CUBN: variants seen among roughly 807,000 people sequenced by gnomAD.
CUBN encodes cubilin.
A neutral mutation model predicts 405.3 loss-of-function variants in CUBN; 282 were observed. The observed-to-expected ratio is 0.70, with a 90% CI of 0.63 to 0.77. The LOEUF (loss-of-function observed/expected upper bound fraction) is 0.77, where lower values mean the gene tolerates loss of function less well. CUBN is among the 30% of genes least tolerant of loss of function. The probability of loss-of-function intolerance (pLI) is 0.00; values close to 1 mark genes in which losing one functional copy is unlikely to be tolerated. For synonymous variants in CUBN, 1,684 were observed against 1,617.0 expected (o/e 1.04, Z -0.99); for missense variants, 4,514 against 4,475.2 (o/e 1.01, Z -0.25).
At chr10:17,088,052 A>T in intron 15 of CUBN, 112 bp downstream of exon 15, 1 of 778,782 alleles carries the variant, frequency 1.3e-6, no homozygotes. Flanking sequence ...ACTATTGAGA[A>T]ACACACCTAA....
At chr10:16,858,076 G>T (rs1839911342) in intron 59 of CUBN, among the ~76,000 whole-genome samples, 2 of 151,904 alleles carry the variant, frequency 1.3e-5, no homozygotes, top group South Asian at 4.2e-4. Context: ...ACAAAAAAAT[G>T]AAATATTTAG....
chr10:16,968,849 T>C (rs1214426206), intron 31 of CUBN, among the ~76,000 whole-genome samples: 1 of 152,226 alleles, frequency 6.6e-6, no homozygotes, highest in African/African-American at 2.4e-5. Context: ...ACAGCTTCCT[T>C]AGCAAGAAAT....
chr10:17,038,680 T>C (rs1038975882), intron 27 of CUBN, among the ~76,000 whole-genome samples: 9 of 152,204 alleles, frequency 5.9e-5, no homozygotes, highest in African/African-American at 2.2e-4. Flanking sequence ...TAGATTTCTG[T>C]GTGTGTGAGT....
At chr10:16,895,563 G>A (rs703066) in intron 54 of CUBN, among the ~76,000 whole-genome samples, 71,312 of 151,904 alleles carry the variant, frequency 0.47, 18,990 homozygotes, top group Middle Eastern at 0.62. Context: ...TATGTATTTT[G>A]TGCCTCTGTT....
intron 64 of CUBN, among the ~76,000 whole-genome samples, chr10:16,834,178 T>C (rs1839096537): frequency 6.6e-6 from 1 of 152,110 alleles, no homozygotes; most frequent in African/African-American, 2.4e-5. Context: ...TTCCACACAC[T>C]GGGTCCACAT....
At chr10:16,834,993 C>T (rs370911251) in intron 64 of CUBN, 21 bp downstream of exon 64, 98 of 1,601,374 alleles carry the variant, frequency 6.1e-5, no homozygotes, top group East Asian at 4.7e-4. Context: ...TTCATTCAAA[C>T]GATATTCAAA....
At chr10:17,039,247 T>G (rs576431195) in intron 27 of CUBN, among the ~76,000 whole-genome samples, 1 of 152,180 alleles carries the variant, frequency 6.6e-6, no homozygotes, top group Non-Finnish European at 1.5e-5. Context: ...GTGCTCCAAT[T>G]TGTAGGATTG....
chr10:16,965,344 G>A (rs373790452), intron 31 of CUBN, among the ~76,000 whole-genome samples: 5 of 152,108 alleles, frequency 3.3e-5, no homozygotes, highest in Admixed American at 2.0e-4. Context: ...TAAATTGCAC[G>A]AAATAAAGAC....
Position 17,046,003 on chromosome 10 carries a change from A to G in CUBN, c.3421T>C (p.Leu1141=), listed in dbSNP as rs1405848424. The G allele has an allele frequency of 5.0e-6, 8 of 1,613,658 alleles. No homozygotes were observed. Among genetic ancestry groups the G allele is most frequent in the African/African-American group, 1.3e-5 (1 of 74,894 alleles). ...TCTATTTGGTCACTCTTAAATTTTA[A>G]CCATAGTTTGTTACTATGAGAGATG... ...TIISHSNKLW[L]KFKSDQIDTR... is the part of the protein sequence containing the mutation. The change falls in exon 24 of 67, where the codon TTA becomes CTA. Residue 1141 remains leucine, a synonymous_variant. Transcript: ENST00000377833.
intron 10 of CUBN, among the ~76,000 whole-genome samples, chr10:17,107,664 A>T (rs192620288): frequency 0.016 from 2,366 of 151,856 alleles, 67 homozygotes; most frequent in African/African-American, 0.052. Context: ...CGCCTGGCTA[A>T]TTTTTTGTAT....
chr10:17,105,706 A>G, intron 10 of CUBN, 131 bp from the exon 11 acceptor site: 1 of 683,818 alleles, frequency 1.5e-6, no homozygotes, highest in Non-Finnish European at 2.7e-6. Context: ...ACGGGCAGAC[A>G]AAACAAGGTA....
chr10:17,061,354 A>G (rs1393201696), intron 22 of CUBN, among the ~76,000 whole-genome samples: 4 of 152,082 alleles, frequency 2.6e-5, no homozygotes, highest in Non-Finnish European at 5.9e-5. Flanking sequence ...AGCACCCTAG[A>G]CCTATTTTAA....
chr10:17,092,535 G>C (rs1907359), intron 14 of CUBN, among the ~76,000 whole-genome samples: 1 of 151,936 alleles, frequency 6.6e-6, no homozygotes, highest in Non-Finnish European at 1.5e-5. Flanking sequence ...GGATGCAGTA[G>C]AGAAGGCAGT....
intron 25 of CUBN, among the ~76,000 whole-genome samples, chr10:17,044,775 A>G (rs1273477490): frequency 6.6e-6 from 1 of 152,148 alleles, no homozygotes; most frequent in Non-Finnish European, 1.5e-5. Flanking sequence ...GATTTTCACC[A>G]TATCTTAATA....
chr10:16,995,095 A>C (rs1195826019), intron 28 of CUBN, among the ~76,000 whole-genome samples: 1 of 152,242 alleles, frequency 6.6e-6, no homozygotes, highest in Non-Finnish European at 1.5e-5. Flanking sequence ...CGTCTCAAAA[A>C]TGAAAAAGAT....
intron 22 of CUBN, among the ~76,000 whole-genome samples, chr10:17,051,234 G>A (rs11254344): frequency 0.5 from 75,884 of 151,728 alleles, 22,665 homozygotes; most frequent in East Asian, 0.67. Flanking sequence ...GGTGGTGGGC[G>A]CCTGTAGTCC....
Position 16,901,456 on chromosome 10 carries a change from C to T in CUBN, c.8066G>A (p.Cys2689Tyr), listed in dbSNP as rs1442816805. Residue 2689 changes from cysteine (C) to tyrosine (Y), a missense_variant, in exon 52 of 67, where the codon TGT (cysteine) becomes TAT (tyrosine). Cys to Tyr is a radical substitution (Grantham distance 194). Coordinates refer to ENST00000377833, the MANE Select transcript of CUBN (RefSeq NM_001081.4). ...GFHAKYSFTD[C>Y]GGIQIGDSGV... ...ACTGTCACCTATCTGTATTCCGCCA[C>T]AATCTGAAATGAGATTGGTAACCCT... 3.1e-6 allele frequency: 5 copies of T among 1,614,038 alleles called. No homozygotes were observed. Among genetic ancestry groups the T allele is most frequent in the Non-Finnish European group, 4.2e-6 (5 of 1,179,988 alleles).
In CUBN at chr10:17,067,001, C is replaced by T. The variant is rs191248875; in HGVS notation, c.3008+1063G>A. Among the ~76,000 whole-genome samples the T allele has an allele frequency of 5.4e-4, 82 of 152,206 alleles. 1 individual carries two copies. The East Asian group carries it at 0.015, about 28-fold the overall frequency. On this transcript the variant is annotated intron_variant, in intron 21 of 66. Coordinates refer to ENST00000377833, the MANE Select transcript of CUBN (RefSeq NM_001081.4). ...GTTTAAAGGCAAAACTGAAATGGATCAACCTGTTTCCAAGTAGCTTAACTG... is the reference window on the plus strand; with the variant it reads ...GTTTAAAGGCAAAACTGAAATGGATTAACCTGTTTCCAAGTAGCTTAACTG...
rs1366965489 is a variant in CUBN at position 17,043,812 on chromosome 10, G to A, written c.3829+15C>T. The A allele has an allele frequency of 5.0e-6, 8 of 1,611,732 alleles. No individual in the cohort carries two copies. Among genetic ancestry groups the A allele is most frequent in the Admixed American group, 1.7e-5 (1 of 59,896 alleles). On this transcript the variant is annotated intron_variant, in intron 26 of 66. Coordinates refer to ENST00000377833, the MANE Select transcript of CUBN (RefSeq NM_001081.4). ...TGCCAGTATACACACTTACTCTGCC[G>A]GTATTCACACTTACTCTGCCGGTAT...
Sources: allele counts gnomAD v4.1 joint callset (sites outside exome capture counted in the v4.1 genomes callset), GRCh38; gene constraint gnomAD v4.1.1; transcripts MANE v1.5; gene names NCBI Gene and HGNC (gene_info 2026-07-23, HGNC 2026-07-21).